Variants in BTBD9 observed in about 807,000 individuals in gnomAD.
The protein encoded by BTBD9 is BTB/POZ domain-containing protein 9.
BTBD9 carries 49 observed loss-of-function variants against 64.3 expected under a neutral mutation model. The observed-to-expected ratio is 0.76, with a 90% CI of 0.61 to 0.97. The LOEUF (loss-of-function observed/expected upper bound fraction) is 0.97, where lower values mean the gene tolerates loss of function less well. BTBD9 is among the 50% of genes least tolerant of loss of function. BTBD9 has a pLI of 0.00. For synonymous variants in BTBD9, 260 were observed against 274.7 expected, an observed-to-expected ratio of 0.95 and a Z score of 0.53; for missense variants, 598 against 762.1, an observed-to-expected ratio of 0.78 and a Z score of 2.53.
intron 9 of BTBD9, among the ~76,000 whole-genome samples, chr6:38,241,447 T>C (rs1447500963): frequency 2.0e-5 from 3 of 152,216 alleles, no homozygotes; most frequent in South Asian, 2.1e-4. Flanking sequence ...CAGGTCAAGA[T>C]TGCTAAGCCA....
intron 7 of BTBD9, among the ~76,000 whole-genome samples, chr6:38,300,257 G>A (rs1192970101): frequency 6.6e-6 from 1 of 152,156 alleles, no homozygotes; most frequent in Admixed American, 6.5e-5. Context: ...TTTGGTTACT[G>A]TAGCCTTGTA....
intron 4 of BTBD9, chr6:38,588,266 C>A (rs1478279445): frequency 2.6e-6 from 3 of 1,148,110 alleles, no homozygotes; most frequent in African/African-American, 3.0e-5. Flanking sequence ...GCCTCAACAA[C>A]TGCCTGCTCA....
chr6:38,238,175 T>C (rs943715746), intron 9 of BTBD9, among the ~76,000 whole-genome samples: 1 of 152,206 alleles, frequency 6.6e-6, no homozygotes, highest in Admixed American at 6.5e-5. Flanking sequence ...TTTGAAGAAA[T>C]TGATTCTGAG....
intron 6 of BTBD9, among the ~76,000 whole-genome samples, chr6:38,536,746 T>G (rs1346209669): frequency 6.6e-6 from 1 of 152,120 alleles, no homozygotes; most frequent in Non-Finnish European, 1.5e-5. Context: ...GCTCTCATAT[T>G]TGTGAGGCTA....
intron 6 of BTBD9, among the ~76,000 whole-genome samples, chr6:38,432,778 A>G (rs1468029824): frequency 3.3e-5 from 5 of 151,876 alleles, no homozygotes; most frequent in African/African-American, 4.9e-5. Flanking sequence ...CTAAGATTAC[A>G]TCGCCAATCA....
chr6:38,428,095 A>C (rs1454048736), intron 6 of BTBD9, among the ~76,000 whole-genome samples: 1 of 151,926 alleles, frequency 6.6e-6, no homozygotes, highest in East Asian at 1.9e-4. Context: ...TGAAAGTTCT[A>C]GGAAGGGAGC....
chr6:38,425,237 C>A (rs538919861), intron 6 of BTBD9, among the ~76,000 whole-genome samples: 27 of 151,672 alleles, frequency 1.8e-4, no homozygotes, highest in African/African-American at 6.3e-4. Flanking sequence ...TCCTGAGTAG[C>A]TGAGATTACA....
At chr6:38,402,830 G>A (rs918950635) in intron 6 of BTBD9, 23 of 701,056 alleles carry the variant, frequency 3.3e-5, no homozygotes, top group African/African-American at 1.4e-4. Flanking sequence ...CACTTTGGAA[G>A]GCCAAGGAGG....
chr6:38,631,343 T>C (rs1238083506), intron 1 of BTBD9, among the ~76,000 whole-genome samples: 1 of 152,184 alleles, frequency 6.6e-6, no homozygotes, highest in African/African-American at 2.4e-5. Context: ...GAAAAAGGAT[T>C]GATGGTTGTT....
intron 6 of BTBD9, among the ~76,000 whole-genome samples, chr6:38,555,391 T>C (rs1345162106): frequency 6.6e-6 from 1 of 152,218 alleles, no homozygotes; most frequent in Non-Finnish European, 1.5e-5. Context: ...TTAAAGTGAA[T>C]TCACTTGAAA....
chr6:38,179,220 G>T (rs1044120738), intron 10 of BTBD9: 3 of 339,562 alleles, frequency 8.8e-6, no homozygotes, highest in Non-Finnish European at 1.8e-5. Context: ...TACATTTGTG[G>T]TGACAAATTC....
At chr6:38,344,152 A>G (rs1764198732) in intron 7 of BTBD9, among the ~76,000 whole-genome samples, 1 of 152,144 alleles carries the variant, frequency 6.6e-6, no homozygotes, top group Non-Finnish European at 1.5e-5. Flanking sequence ...GAGCTAATTG[A>G]TCTAAGCATG....
chr6:38,380,946 C>T (rs1252484599), intron 6 of BTBD9, among the ~76,000 whole-genome samples: 1 of 151,854 alleles, frequency 6.6e-6, no homozygotes, highest in African/African-American at 2.4e-5. Flanking sequence ...GTTAAAATTT[C>T]TGAAATCTAG....
At chr6:38,213,927 C>T (rs1254025527) in intron 9 of BTBD9, among the ~76,000 whole-genome samples, 2 of 151,874 alleles carry the variant, frequency 1.3e-5, no homozygotes, top group East Asian at 1.9e-4. Flanking sequence ...ACCCAGGAGG[C>T]GGAGCTTGCA....
intron 6 of BTBD9, among the ~76,000 whole-genome samples, chr6:38,575,393 A>G (rs1775979475): frequency 6.6e-6 from 1 of 152,226 alleles, no homozygotes; most frequent in Admixed American, 6.5e-5. Context: ...CAGAGGCAAG[A>G]TAAACACGCA....
At chr6:38,528,388 G>C (rs1464547994) in intron 6 of BTBD9, among the ~76,000 whole-genome samples, 3 of 152,134 alleles carry the variant, frequency 2.0e-5, no homozygotes, top group Non-Finnish European at 2.9e-5. Context: ...CTGGTGCTGT[G>C]CTGGGCTCGA....
At chr6:38,475,615 A>G (rs141959303) in intron 6 of BTBD9, among the ~76,000 whole-genome samples, 26 of 152,338 alleles carry the variant, frequency 1.7e-4, no homozygotes, top group African/African-American at 5.5e-4. Context: ...CACCACGCAC[A>G]GCATCATCCT....
chr6:38,557,157 C>A (rs1278003857), intron 6 of BTBD9, among the ~76,000 whole-genome samples: 1 of 121,218 alleles, frequency 8.2e-6, no homozygotes, highest in Non-Finnish European at 1.6e-5. Flanking sequence ...AACAGTCTGG[C>A]CAACATGGCA....
chr6:38,447,621 T>C (rs1769335578), intron 6 of BTBD9, among the ~76,000 whole-genome samples: 2 of 152,170 alleles, frequency 1.3e-5, no homozygotes, highest in South Asian at 2.1e-4. Context: ...ATACTGAACT[T>C]TGACACAAAA....
Sources: allele counts gnomAD v4.1 joint callset (sites outside exome capture counted in the v4.1 genomes callset), GRCh38; gene constraint gnomAD v4.1.1; transcripts MANE v1.5; gene names NCBI Gene and HGNC (gene_info 2026-07-23, HGNC 2026-07-21).